The following PEX26 variants were observed in gnomAD, a reference collection of about 807,000 sequenced individuals.
PEX26 encodes peroxisome assembly protein 26.
In PEX26, 18 loss-of-function variants were observed where a neutral mutation model predicts 31.4. That is an observed-to-expected ratio of 0.57 (90% CI 0.40 to 0.85). The LOEUF (loss-of-function observed/expected upper bound fraction) is 0.85. Ranked by LOEUF, PEX26 falls within the 40% of genes least tolerant of loss-of-function variation. The pLI, the probability that PEX26 is intolerant of heterozygous loss-of-function variation, is 0.00. For synonymous variants in PEX26, 176 were observed against 166.9 expected, an observed-to-expected ratio of 1.05 and a Z score of -0.42; for missense variants, 377 against 383.9, an observed-to-expected ratio of 0.98 and a Z score of 0.15.
At chr22:18,079,202 A>C (rs1370272848) in intron 1 of PEX26, 1 of 980,100 alleles carries the variant, frequency 1.0e-6, no homozygotes, top group East Asian at 1.1e-4. Flanking sequence ...GAATCCGGAG[A>C]AAAAAACCTT....
chr22:18,083,025 TG>T (rs1187000366), intron 2 of PEX26, among the ~76,000 whole-genome samples: 1 of 152,266 alleles, frequency 6.6e-6, no homozygotes, highest in East Asian at 1.9e-4. Flanking sequence ...CGCTGTTTTT[TG>T]TACATTGATT....
chr22:18,091,094 C>G lies in PEX26; in HGVS notation c.*3019C>G, dbSNP rs928225574. On this transcript the variant is annotated 3_prime_UTR_variant, in exon 5 of 5. Transcript: ENST00000399744. ...GTGTTGCCCAGGCTGGACCTGAACTCCTGGGCTTGAGCAAGTCTTCCCCTC... is the reference window on the plus strand; with the variant it reads ...GTGTTGCCCAGGCTGGACCTGAACTGCTGGGCTTGAGCAAGTCTTCCCCTC... 1 of 152,158 alleles carries G rather than the reference C, an allele frequency of 6.6e-6. No individual in the cohort carries two copies. The highest frequency in any genetic ancestry group is 2.4e-5 in the African/African-American group (1 of 41,434). 9.4% of individuals were successfully genotyped at this position (152,158 alleles called of 1,614,324 possible). A position where few individuals can be genotyped will look rare whatever the true frequency, so the allele number is the denominator to read the frequency against.
rs201666490 is a variant in PEX26, at chr22:18,083,566, G to A, written c.501G>A (p.Val167=). 128 of 1,614,066 alleles carry A rather than the reference G, an allele frequency of 7.9e-5. No homozygotes were observed. The East Asian group carries it at 2.5e-3, about 31-fold the overall frequency. Residue 167 remains valine (V), a synonymous_variant, in exon 3 of 5, where the codon GTG becomes GTA. Coordinates refer to ENST00000399744, the MANE Select transcript of PEX26 (RefSeq NM_001127649.3). ...GALAEFHVQR[V]LLPLGCLSEA... is the part of the protein sequence containing the mutation. Reference sequence around the variant, plus strand: ...TGGCAGAATTTCACGTGCAGCGGGTGCTGCTGCCTCTGGGCTGCTTATCGG... The same window carrying A: ...TGGCAGAATTTCACGTGCAGCGGGTACTGCTGCCTCTGGGCTGCTTATCGG...
rs1057107686 is a variant in PEX26 at position 18,103,730 on chromosome 22, TGA to T, written c.*15659_*15660del. On this transcript the variant is annotated 3_prime_UTR_variant, in exon 5 of 5. Coordinates refer to ENST00000399744, the MANE Select transcript of PEX26 (RefSeq NM_001127649.3). ...GTCCCATACAGAGCCACAGCCACAG[TGA>T]GAGCCTGGCAGCCTGCCCGGAGGAG... 2.0e-5 allele frequency: 3 copies of T among 152,416 alleles called. No individual in the cohort carries two copies. The highest frequency in any genetic ancestry group is 7.2e-5 in the African/African-American group (3 of 41,438). 9.4% of individuals were successfully genotyped at this position (152,416 alleles called of 1,614,324 possible).
intron 3 of PEX26, among the ~76,000 whole-genome samples, chr22:18,084,343 C>G (rs1926749082): frequency 6.6e-6 from 1 of 150,448 alleles, no homozygotes; most frequent in South Asian, 2.1e-4. Context: ...CTCTCAGGTT[C>G]ACGCCATTCT....
chr22:18,080,166 A>T (rs577440413), intron 2 of PEX26, 152 bp downstream of exon 2: 1 of 811,294 alleles, frequency 1.2e-6, no homozygotes, highest in South Asian at 1.5e-5. Context: ...TTCCATACAT[A>T]GCAATAAAGA....
At chr22:18,083,275 G>C (rs1359271557) in intron 2 of PEX26, among the ~76,000 whole-genome samples, 162 bp from the exon 3 acceptor site, 1 of 152,212 alleles carries the variant, frequency 6.6e-6, no homozygotes, top group Non-Finnish European at 1.5e-5. Context: ...AGTGATGGGT[G>C]TGTCGTGGGG....
Position 18,078,577 on chromosome 22 carries a change from C to G in PEX26, c.201C>G (p.Asn67Lys). Reference protein sequence around the residue: ...TCERAWQSLANHAVAEEPAGT... With the variant: ...TCERAWQSLAKHAVAEEPAGT... Reference sequence around the variant, plus strand: ...AGCGGGCCTGGCAGAGTCTGGCCAACCACGCCGTGGCAGAGGAACCCGCGG... The same window carrying G: ...AGCGGGCCTGGCAGAGTCTGGCCAAGCACGCCGTGGCAGAGGAACCCGCGG... The change falls in exon 1 of 5, where the codon AAC becomes AAG. Residue 67 changes from asparagine to lysine, a missense_variant. By Grantham distance (94) the Asn-to-Lys change is moderately conservative. Coordinates refer to ENST00000399744, the MANE Select transcript of PEX26 (RefSeq NM_001127649.3). 6.3e-7 allele frequency: 1 copy of G among 1,599,444 alleles called. No homozygotes were observed.
Position 18,101,674 on chromosome 22 carries a change from A to G in PEX26, c.*13599A>G. 3.9e-6 allele frequency: 1 copy of G among 259,380 alleles called. No homozygotes were observed. The highest frequency in any genetic ancestry group is 1.1e-4 in the East Asian group (1 of 9,228). 16.1% of individuals were successfully genotyped at this position (259,380 alleles called of 1,614,324 possible). Reference sequence around the variant, plus strand: ...GAGTAGCTGTGCAATGACTTGTGTCAAAACCCGATCCAGAGCAGCAGTGAT... The same window carrying G: ...GAGTAGCTGTGCAATGACTTGTGTCGAAACCCGATCCAGAGCAGCAGTGAT... On this transcript the variant is annotated 3_prime_UTR_variant, in exon 5 of 5. Coordinates refer to ENST00000399744, the MANE Select transcript of PEX26 (RefSeq NM_001127649.3).
In PEX26 at chr22:18,091,894, AC is replaced by A. The variant is rs148556079; in HGVS notation, c.*3821del. On this transcript the variant is annotated 3_prime_UTR_variant, in exon 5 of 5. Transcript: ENST00000399744. ...TGGGCAAACGCAAGCCAGGCTGGCA[AC>A]CACCACTGCCGCCGAGGGGAGATAC... The A allele has an allele frequency of 2.6e-5, 4 of 152,322 alleles. No homozygotes were observed. The highest frequency in any genetic ancestry group is 9.6e-5 in the African/African-American group (4 of 41,468). 9.4% of individuals were successfully genotyped at this position (152,322 alleles called of 1,614,324 possible). A position where few individuals can be genotyped will look rare whatever the true frequency, so the allele number is the denominator to read the frequency against.
chr22:18,082,886 T>C (rs1246043398), intron 2 of PEX26, among the ~76,000 whole-genome samples: 1 of 152,232 alleles, frequency 6.6e-6, no homozygotes, highest in Non-Finnish European at 1.5e-5. Context: ...TGTTTTATAG[T>C]TTTCAGTGTA....
intron 2 of PEX26, 56 bp downstream of exon 2, chr22:18,080,070 T>C (rs1021021883): frequency 6.4e-7 from 1 of 1,573,810 alleles, no homozygotes; most frequent in East Asian, 2.2e-5. Flanking sequence ...GATTTTCATC[T>C]CCTCTCCTAA....
In PEX26 at chr22:18,088,156, C is replaced by T. The variant is rs746262249; in HGVS notation, c.*81C>T. On this transcript the variant is annotated 3_prime_UTR_variant, in exon 5 of 5. Coordinates refer to ENST00000399744, the MANE Select transcript of PEX26 (RefSeq NM_001127649.3). This position sits in a 1 kb window ranked among gnomAD's most constrained non-coding sequence, Gnocchi z 4.1. ...AGCGACAGAGCGACACATCCACAGG[C>T]GCCCCTGGGGAAATGGGACCAGCCT... The T allele has an allele frequency of 2.3e-5, 22 of 956,412 alleles. No individual in the cohort carries two copies. Among genetic ancestry groups the T allele is most frequent in the African/African-American group, 6.4e-5 (4 of 62,802 alleles). 59.2% of individuals were successfully genotyped at this position (956,412 alleles called of 1,614,324 possible).
Position 18,088,242 on chromosome 22 carries a change from G to A in PEX26, c.*167G>A, listed in dbSNP as rs464385. 406,191 of 709,766 alleles carry A rather than the reference G, an allele frequency of 0.57. 120,801 individuals are homozygous for A. Among genetic ancestry groups the A allele is most frequent in the Non-Finnish European group, 0.63 (246,808 of 388,760 alleles). 44.0% of individuals were successfully genotyped at this position (709,766 alleles called of 1,614,324 possible). A position where few individuals can be genotyped will look rare whatever the true frequency, so the allele number is the denominator to read the frequency against. ...TGCCCTCTCCTTTGCACCCTACTTC[G>A]GCTGGTCGCGGTAGATGATGTGGAA... On this transcript the variant is annotated 3_prime_UTR_variant, in exon 5 of 5. Transcript: ENST00000399744. This position sits in a 1 kb window ranked among gnomAD's most constrained non-coding sequence, Gnocchi z 4.1.
rs565851697 is a variant in PEX26 at position 18,101,148 on chromosome 22, A to G, written c.*13073A>G. ...TAATGCTTAAAAGAGACTTCTAGAA[A>G]CAGTGGGACTGTATCAGGATCAACA... On this transcript the variant is annotated 3_prime_UTR_variant, in exon 5 of 5. Coordinates refer to ENST00000399744, the MANE Select transcript of PEX26 (RefSeq NM_001127649.3). The G allele has an allele frequency of 6.6e-6, 1 of 152,364 alleles. No individual in the cohort carries two copies. Among genetic ancestry groups the G allele is most frequent in the South Asian group, 2.1e-4 (1 of 4,832 alleles). 9.4% of individuals were successfully genotyped at this position (152,364 alleles called of 1,614,324 possible). A position where few individuals can be genotyped will look rare whatever the true frequency, so the allele number is the denominator to read the frequency against.
At chr22:18,078,710 C>T in intron 1 of PEX26, 104 bp downstream of exon 1, 1 of 1,033,082 alleles carries the variant, frequency 9.7e-7, no homozygotes, top group Admixed American at 2.0e-5. Context: ...AGGAGCTTTA[C>T]ACCTCGCTTT....
chr22:18,092,008 C>A lies in PEX26; in HGVS notation c.*3933C>A, dbSNP rs1357973501. ...TATCCACTTAAAGCAGCCCAAGGAACTGTCAGAAAGCGAAAGTGATGACAT... is the reference window on the plus strand; with the variant it reads ...TATCCACTTAAAGCAGCCCAAGGAAATGTCAGAAAGCGAAAGTGATGACAT... On this transcript the variant is annotated 3_prime_UTR_variant, in exon 5 of 5. Coordinates refer to ENST00000399744, the MANE Select transcript of PEX26 (RefSeq NM_001127649.3). 6.6e-6 allele frequency: 1 copy of A among 152,298 alleles called. No homozygotes were observed. 9.4% of individuals were successfully genotyped at this position (152,298 alleles called of 1,614,324 possible). A position where few individuals can be genotyped will look rare whatever the true frequency, so the allele number is the denominator to read the frequency against.
intron 3 of PEX26, among the ~76,000 whole-genome samples, chr22:18,084,433 C>T (rs1248211524): frequency 2.6e-5 from 4 of 152,054 alleles, no homozygotes; most frequent in East Asian, 1.9e-4. Context: ...TTAGTAGAGA[C>T]GGGGTTTCAC....
rs1008064410 is a variant in PEX26, at chr22:18,092,881, A to C, written c.*4806A>C. 6 of 151,918 alleles carry C rather than the reference A, an allele frequency of 3.9e-5. No homozygotes were observed. The highest frequency in any genetic ancestry group is 2.1e-4 in the South Asian group (1 of 4,822). 9.4% of individuals were successfully genotyped at this position (151,918 alleles called of 1,614,324 possible). A position where few individuals can be genotyped will look rare whatever the true frequency, so the allele number is the denominator to read the frequency against. On this transcript the variant is annotated 3_prime_UTR_variant, in exon 5 of 5. Transcript: ENST00000399744. ...AAAGCCAATTTTAAACAAGAAAAAA[A>C]CAAAAAGTTTACAAAAGAAAAAAAG... is the stretch of plus-strand genomic sequence containing the variant.
Sources: allele counts gnomAD v4.1 joint callset (sites outside exome capture counted in the v4.1 genomes callset), GRCh38; gene constraint gnomAD v4.1.1; non-coding constraint Gnocchi (gnomAD v3.1); transcripts MANE v1.5; gene names NCBI Gene and HGNC (gene_info 2026-07-23, HGNC 2026-07-21).